EBF1: variants seen among roughly 807,000 people sequenced by gnomAD.
EBF1 encodes the protein transcription factor COE1.
A neutral mutation model predicts 68.4 loss-of-function variants in EBF1; 10 were observed. The observed-to-expected ratio is 0.15, with a 90% CI of 0.09 to 0.25. The LOEUF is 0.25. EBF1 is among the 10% of genes least tolerant of loss of function. The pLI, the probability that EBF1 is intolerant of heterozygous loss-of-function variation, is 1.00. For synonymous variants in EBF1, 298 were observed against 299.8 expected (o/e 0.99, Z 0.06); for missense variants, 509 against 794.4 (o/e 0.64, Z 4.32).
intron 8 of EBF1, among the ~76,000 whole-genome samples, chr5:158,802,028 C>T (rs980695811): frequency 1.3e-5 from 2 of 152,088 alleles, no homozygotes; most frequent in Non-Finnish European, 2.9e-5. Context: ...GCCATGTTTA[C>T]CTCGGGTTTT....
intron 6 of EBF1, among the ~76,000 whole-genome samples, chr5:158,971,786 A>G (rs1431051552): frequency 6.6e-6 from 1 of 152,136 alleles, no homozygotes; most frequent in Non-Finnish European, 1.5e-5. Context: ...TGTCTTCAAG[A>G]GCTAAGCCTA....
chr5:159,053,667 T>A (rs1177637016), intron 6 of EBF1, among the ~76,000 whole-genome samples: 1 of 151,598 alleles, frequency 6.6e-6, no homozygotes, highest in Non-Finnish European at 1.5e-5. Context: ...AGTATAAGCA[T>A]CTGCATAGAT....
At chr5:158,870,823 C>T (rs1454940360) in intron 6 of EBF1, among the ~76,000 whole-genome samples, 1 of 152,136 alleles carries the variant, frequency 6.6e-6, no homozygotes, top group East Asian at 1.9e-4. Context: ...ATAGAGTGGA[C>T]AGGGCATCAG....
At chr5:159,096,613 C>T (rs1782655931) in intron 2 of EBF1, 4 of 639,378 alleles carry the variant, frequency 6.3e-6, no homozygotes, top group Admixed American at 5.3e-5. Flanking sequence ...AAGAAAATTC[C>T]GTCGGGCGCA....
intron 6 of EBF1, among the ~76,000 whole-genome samples, chr5:158,850,183 A>G (rs886796334): frequency 2.6e-5 from 4 of 152,234 alleles, no homozygotes; most frequent in African/African-American, 4.8e-5. Flanking sequence ...CCATATAACT[A>G]AAGTCTGTTT....
intron 9 of EBF1, among the ~76,000 whole-genome samples, chr5:158,791,955 T>C (rs1265177735): frequency 2.0e-5 from 3 of 152,080 alleles, no homozygotes; most frequent in East Asian, 1.9e-4. Flanking sequence ...TCTTTAGAAA[T>C]TGGAGGAATT....
chr5:158,729,868 T>C (rs1763728446), intron 11 of EBF1, among the ~76,000 whole-genome samples: 1 of 152,164 alleles, frequency 6.6e-6, no homozygotes, highest in African/African-American at 2.4e-5. Flanking sequence ...CAGTTAGCGC[T>C]CCTCCTCTCC....
At chr5:158,998,211 C>A (rs1252293698) in intron 6 of EBF1, among the ~76,000 whole-genome samples, 1 of 152,132 alleles carries the variant, frequency 6.6e-6, no homozygotes, top group African/African-American at 2.4e-5. Context: ...CCAGTCTTTT[C>A]TGTATTTGTT....
chr5:158,780,125 T>G (rs1174223044), intron 9 of EBF1, among the ~76,000 whole-genome samples: 1 of 152,228 alleles, frequency 6.6e-6, no homozygotes, highest in Non-Finnish European at 1.5e-5. Flanking sequence ...AAGCACAGGC[T>G]TATTTACTAA....
chr5:159,007,535 G>A (rs1202035335), intron 6 of EBF1, among the ~76,000 whole-genome samples: 5 of 152,162 alleles, frequency 3.3e-5, no homozygotes, highest in Non-Finnish European at 7.3e-5. Flanking sequence ...CACACTCTGT[G>A]CACATGAAAA....
intron 11 of EBF1, among the ~76,000 whole-genome samples, chr5:158,719,773 A>T (rs906795896): frequency 7.9e-5 from 12 of 152,284 alleles, no homozygotes; most frequent in Middle Eastern, 3.4e-3. Flanking sequence ...ATTAATTTTC[A>T]TGTTTCAGCA....
At chr5:159,009,860 C>G (rs1051303996) in intron 6 of EBF1, among the ~76,000 whole-genome samples, 1 of 151,508 alleles carries the variant, frequency 6.6e-6, no homozygotes, top group Admixed American at 6.6e-5. Flanking sequence ...GCAAAAGAAA[C>G]GTGGAAAACC....
chr5:158,829,912 T>A (rs1486733029), intron 7 of EBF1, among the ~76,000 whole-genome samples: 3 of 152,198 alleles, frequency 2.0e-5, no homozygotes. Flanking sequence ...TAACTTTCCC[T>A]TGTCTGGGAC....
At chr5:158,772,389 T>A (rs572474556) in intron 10 of EBF1, among the ~76,000 whole-genome samples, 2 of 152,198 alleles carry the variant, frequency 1.3e-5, no homozygotes, top group South Asian at 4.1e-4. Flanking sequence ...AGACAGTTGG[T>A]GATAGGCTGT....
chr5:159,050,147 T>C (rs1404951346), intron 6 of EBF1, among the ~76,000 whole-genome samples: 1 of 117,784 alleles, frequency 8.5e-6, no homozygotes, highest in Non-Finnish European at 1.8e-5. Flanking sequence ...GAGGTTCGTT[T>C]CTCTTTCTCT....
chr5:159,040,977 AT>A (rs34578795), intron 6 of EBF1, among the ~76,000 whole-genome samples: 6,556 of 152,302 alleles, frequency 0.043, 624 homozygotes, highest in East Asian at 0.38. Flanking sequence ...CAATAAACAG[AT>A]TTTATAGTAG....
intron 6 of EBF1, among the ~76,000 whole-genome samples, chr5:158,900,595 G>T (rs1412075351): frequency 6.6e-6 from 1 of 152,146 alleles, no homozygotes; most frequent in Admixed American, 6.5e-5. Context: ...TCCTTGACTT[G>T]CTCCCTAGTC....
intron 6 of EBF1, among the ~76,000 whole-genome samples, chr5:158,865,281 G>T (rs189930445): frequency 6.6e-6 from 1 of 152,154 alleles, no homozygotes; most frequent in Non-Finnish European, 1.5e-5. Flanking sequence ...GTTAGAGGCA[G>T]CACAGCAGGT....
chr5:159,017,078 C>T (rs543384105), intron 6 of EBF1, among the ~76,000 whole-genome samples: 15 of 152,102 alleles, frequency 9.9e-5, no homozygotes, highest in East Asian at 3.9e-4. Flanking sequence ...CCATGATATC[C>T]GAAATATTAT....
Sources: gnomAD v4.1 joint callset for allele counts (sites outside exome capture counted in the v4.1 genomes callset) on GRCh38, gnomAD v4.1.1 for gene constraint, MANE v1.5 for transcripts, NCBI Gene and HGNC (gene_info 2026-07-23, HGNC 2026-07-21) for gene names.